The following RARB variants were observed in gnomAD, a reference collection of about 807,000 sequenced individuals.
RARB encodes retinoic acid receptor beta, also known as HBV-activated protein.
RARB carries 17 observed loss-of-function variants against 51.9 expected under a neutral mutation model. The observed-to-expected ratio is 0.33, with a 90% CI of 0.22 to 0.49. The LOEUF is 0.49. RARB is among the 20% of genes least tolerant of loss of function. The pLI is 0.99. For synonymous variants in RARB, 215 were observed against 195.4 expected, an observed-to-expected ratio of 1.10 and a Z score of -0.84; for missense variants, 369 against 550.8, an observed-to-expected ratio of 0.67 and a Z score of 3.30.
Position 24,913,197 on chromosome 3 carries a change from G to A in RARB, c.-380+54445G>A, listed in dbSNP as rs1189450781. 2.6e-5 allele frequency among the ~76,000 whole-genome samples: 4 copies of A among 151,516 alleles called. No individual in the cohort carries two copies. In the East Asian group the frequency reaches 5.8e-4, roughly 22 times the overall value. ...GACGGGGTTTCACTGTGTTAGCCAC[G>A]ATGGTCTCGATCTCCTGACCTCCTG... is the stretch of plus-strand genomic sequence containing the variant. On this transcript the variant is annotated intron_variant, in intron 2 of 11. Transcript: ENST00000383772.
At chr3:25,555,803 C>G (rs1246859023) in intron 3 of RARB, among the ~76,000 whole-genome samples, 1 of 152,164 alleles carries the variant, frequency 6.6e-6, no homozygotes, top group African/African-American at 2.4e-5. Context: ...GCTGATCTAC[C>G]ATTGCCTTTC....
In RARB at chr3:25,504,178, C is replaced by T. The variant is rs149803757; in HGVS notation, c.448+2855C>T. ...AACAGTCCAGAGTAATATGCTGGAT[C>T]CAAAGGCACATGTTTGTTTTTGGGG... On this transcript the variant is annotated intron_variant, in intron 3 of 7. Coordinates refer to ENST00000330688, the MANE Select transcript of RARB (RefSeq NM_000965.5). Among the ~76,000 whole-genome samples, 4 of 152,330 alleles carry T rather than the reference C, an allele frequency of 2.6e-5. No homozygotes were observed. In the East Asian group the frequency reaches 7.7e-4, roughly 29 times the overall value.
intron 2 of RARB, among the ~76,000 whole-genome samples, chr3:24,863,898 G>A (rs1702801691): frequency 6.6e-6 from 1 of 151,842 alleles, no homozygotes. Flanking sequence ...CATGTGTGAG[G>A]ATGGAGGCAT....
At chr3:25,192,274 A>G (rs143431934) in intron 5 of RARB, among the ~76,000 whole-genome samples, 1 of 152,262 alleles carries the variant, frequency 6.6e-6, no homozygotes, top group East Asian at 1.9e-4. Flanking sequence ...CTCATAAGCT[A>G]TTCTTCAGAT....
intron 3 of RARB, among the ~76,000 whole-genome samples, chr3:25,074,401 A>C (rs1698829913): frequency 1.3e-5 from 2 of 152,178 alleles, no homozygotes; most frequent in South Asian, 4.1e-4. Flanking sequence ...CTGACTATTA[A>C]GAATCCTGGT....
intron 2 of RARB, among the ~76,000 whole-genome samples, chr3:24,938,974 T>G: frequency 8.0e-6 from 1 of 125,698 alleles, no homozygotes; most frequent in East Asian, 2.7e-4. Flanking sequence ...TAATGAACAT[T>G]TAGTTTTTTG....
chr3:25,594,747 T>G (rs1019507547), intron 7 of RARB, 69 bp downstream of exon 7: 28 of 1,367,872 alleles, frequency 2.0e-5, no homozygotes, highest in Non-Finnish European at 2.7e-5. Context: ...TTGTGTTGCT[T>G]TATTCAATTC....
intron 5 of RARB, among the ~76,000 whole-genome samples, chr3:25,288,359 C>T (rs905371691): frequency 1.3e-5 from 2 of 151,494 alleles, no homozygotes; most frequent in African/African-American, 4.9e-5. Flanking sequence ...TTAATCGCTT[C>T]TTCTCTCCCT....
In RARB at chr3:24,950,726, A is replaced by AAAAGT. The variant is rs71295100; in HGVS notation, c.-380+91975_-380+91976insAAGTA. ...AAGCAGGAAAAGGAAAAAAAAAAAA[A>AAAAGT]AGGTGATTTGGCAAGAGAAAGAGAG... On this transcript the variant is annotated intron_variant, in intron 2 of 11. Transcript: ENST00000383772. Among the ~76,000 whole-genome samples, 734 of 149,436 alleles carry AAAAGT rather than the reference A, an allele frequency of 4.9e-3. 8 individuals carry two copies. The highest frequency in any genetic ancestry group is 0.014 in the African/African-American group (551 of 40,402).
chr3:25,506,211 C>T (rs1162765773), intron 3 of RARB, among the ~76,000 whole-genome samples: 1 of 142,342 alleles, frequency 7.0e-6, no homozygotes, highest in Non-Finnish European at 1.5e-5. Context: ...CGAGATCGCA[C>T]CATTGCACTC....
intron 5 of RARB, among the ~76,000 whole-genome samples, chr3:25,247,442 CAT>C (rs1019812736): frequency 6.6e-6 from 1 of 152,164 alleles, no homozygotes; most frequent in Non-Finnish European, 1.5e-5. Flanking sequence ...ACTCGGGGCC[CAT>C]GTGGTGTAGG....
intron 2 of RARB, among the ~76,000 whole-genome samples, chr3:24,993,287 A>G (rs1229945772): frequency 1.3e-5 from 2 of 152,182 alleles, no homozygotes; most frequent in African/African-American, 4.8e-5. Context: ...CCATGTTTTT[A>G]TCATGCCAGA....
intron 2 of RARB, among the ~76,000 whole-genome samples, chr3:25,484,756 A>G (rs1045048883): frequency 1.3e-5 from 2 of 152,234 alleles, no homozygotes; most frequent in East Asian, 1.9e-4. Flanking sequence ...AAGAGTTTCT[A>G]TTTGGCCCTT....
intron 3 of RARB, among the ~76,000 whole-genome samples, chr3:25,116,804 A>G (rs1305658602): frequency 2.0e-5 from 3 of 152,074 alleles, no homozygotes. Flanking sequence ...ATCTCTGAAG[A>G]CTAGCTTTGT....
chr3:25,239,566 C>T (rs1469398818), intron 5 of RARB, among the ~76,000 whole-genome samples: 2 of 152,126 alleles, frequency 1.3e-5, no homozygotes, highest in Non-Finnish European at 2.9e-5. Flanking sequence ...ATGTCCTTTT[C>T]CCAGTATAGG....
At chr3:25,524,346 C>T (rs1396874921) in intron 3 of RARB, among the ~76,000 whole-genome samples, 1 of 152,098 alleles carries the variant, frequency 6.6e-6, no homozygotes, top group Non-Finnish European at 1.5e-5. Flanking sequence ...TCAGAAAGTA[C>T]TTTTACAGTC....
At chr3:24,844,352 G>A (rs538736678) in intron 1 of RARB, among the ~76,000 whole-genome samples, 2 of 152,312 alleles carry the variant, frequency 1.3e-5, no homozygotes, top group African/African-American at 4.8e-5. Flanking sequence ...TTCTCTTGGT[G>A]ATAGTCTTTC....
intron 2 of RARB, among the ~76,000 whole-genome samples, chr3:24,913,543 T>C (rs2125381500): frequency 6.6e-6 from 1 of 152,184 alleles, no homozygotes; most frequent in East Asian, 1.9e-4. Flanking sequence ...TCTGTAACAG[T>C]AGAGTTGAAA....
intron 3 of RARB, among the ~76,000 whole-genome samples, chr3:25,528,132 A>G (rs760054087): frequency 2.5e-4 from 38 of 152,234 alleles, no homozygotes; most frequent in Non-Finnish European, 4.6e-4. Flanking sequence ...AGGAAGGAAG[A>G]CAGACAGACT....
Sources: allele counts gnomAD v4.1 joint callset (sites outside exome capture counted in the v4.1 genomes callset), GRCh38; gene constraint gnomAD v4.1.1; transcripts MANE v1.5; gene names NCBI Gene and HGNC (gene_info 2026-07-23, HGNC 2026-07-21).